LRRC28: variants seen among roughly 807,000 people sequenced by gnomAD.
LRRC28 encodes the protein leucine rich repeat containing 28.
In LRRC28, 39 loss-of-function variants were observed where a neutral mutation model predicts 45.7. The ratio of observed to expected loss-of-function variants is 0.85; its 90% CI spans 0.66 to 1.12. The LOEUF is 1.12. Among genes scored for constraint, LRRC28 ranks in the 50% most tolerant of loss-of-function variants. The pLI is 0.00. For missense variants in LRRC28, 435 were observed against 438.5 expected, an observed-to-expected ratio of 0.99 and a Z score of 0.07; for synonymous variants, 206 against 178.8, an observed-to-expected ratio of 1.15 and a Z score of -1.22.
At chr15:99,350,077 A>G (rs1956826413) in intron 6 of LRRC28, among the ~76,000 whole-genome samples, 2 of 149,304 alleles carry the variant, frequency 1.3e-5, no homozygotes, top group African/African-American at 4.9e-5. Flanking sequence ...CGGAGCTTGC[A>G]GTGAGCTGAG....
chr15:99,267,026 A>G (rs2081350182), intron 2 of LRRC28, among the ~76,000 whole-genome samples: 1 of 152,196 alleles, frequency 6.6e-6, no homozygotes, highest in Non-Finnish European at 1.5e-5. Flanking sequence ...TCTACTAGTA[A>G]GTTTGGTTTA....
intron 9 of LRRC28, 81 bp downstream of exon 9, chr15:99,363,346 G>A (rs1221236514): frequency 6.1e-6 from 9 of 1,483,172 alleles, no homozygotes; most frequent in Admixed American, 2.0e-5. Flanking sequence ...GTGCATGAAA[G>A]CATTAAGTCA....
At chr15:99,357,004 T>G (rs1399037977) in intron 7 of LRRC28, among the ~76,000 whole-genome samples, 1 of 152,180 alleles carries the variant, frequency 6.6e-6, no homozygotes, top group African/African-American at 2.4e-5. Flanking sequence ...AAGCCAAGGT[T>G]TATTCTTTCT....
chr15:99,362,403 T>A (rs951326394), intron 8 of LRRC28, among the ~76,000 whole-genome samples: 4 of 152,238 alleles, frequency 2.6e-5, no homozygotes, highest in African/African-American at 9.6e-5. Context: ...TGATAATTTT[T>A]AGATTTCACC....
intron 1 of LRRC28, among the ~76,000 whole-genome samples, chr15:99,252,196 G>T (rs1238444329): frequency 6.6e-6 from 1 of 152,192 alleles, no homozygotes. Context: ...CTATACAAGA[G>T]GTAGTTTGCT....
chr15:99,319,523 A>G (rs1191172271), intron 5 of LRRC28, among the ~76,000 whole-genome samples: 1 of 152,220 alleles, frequency 6.6e-6, no homozygotes, highest in African/African-American at 2.4e-5. Flanking sequence ...GTCACTTAGC[A>G]AGAATACTTT....
At chr15:99,302,419 A>C (rs1339964011) in intron 5 of LRRC28, among the ~76,000 whole-genome samples, 1 of 131,834 alleles carries the variant, frequency 7.6e-6, no homozygotes, top group Non-Finnish European at 1.6e-5. Flanking sequence ...AATAAGTTTC[A>C]CTCTTGTTGC....
At chr15:99,383,034 G>A (rs564388075) in intron 9 of LRRC28, among the ~76,000 whole-genome samples, 1 of 152,144 alleles carries the variant, frequency 6.6e-6, no homozygotes, top group South Asian at 2.1e-4. Context: ...AGTACATTCA[G>A]CGATATGCGC....
chr15:99,374,634 GCTGA>G (rs895567059), intron 9 of LRRC28, among the ~76,000 whole-genome samples: 8 of 151,034 alleles, frequency 5.3e-5, no homozygotes, highest in African/African-American at 1.9e-4. Context: ...TGAGTACTAT[GCTGA>G]CTAAGGTTGT....
chr15:99,251,849 T>C lies in LRRC28; in HGVS notation c.-61+308T>C, dbSNP rs554357222. 4.6e-5 allele frequency: 7 copies of C among 152,360 alleles called. No individual in the cohort carries two copies. The East Asian group carries it at 1.2e-3, about 25-fold the overall frequency. 9.4% of individuals were successfully genotyped at this position (152,360 alleles called of 1,614,324 possible). A position where few individuals can be genotyped will look rare whatever the true frequency, so the allele number is the denominator to read the frequency against. ...CGGGCGAAACGGCGTGTGTTTTGCCTAAGACTCTGCCAGTGTTTGTTACCA... is the reference window on the plus strand; with the variant it reads ...CGGGCGAAACGGCGTGTGTTTTGCCCAAGACTCTGCCAGTGTTTGTTACCA... On this transcript the variant is annotated intron_variant, in intron 1 of 9. Transcript: ENST00000301981.
intron 9 of LRRC28, among the ~76,000 whole-genome samples, chr15:99,375,982 A>G (rs1408665576): frequency 6.6e-6 from 1 of 151,654 alleles, no homozygotes; most frequent in African/African-American, 2.4e-5. Flanking sequence ...TCCTTTTTTT[A>G]GGTTTTTAAA....
At chr15:99,365,533 G>A (rs1957316123) in intron 9 of LRRC28, among the ~76,000 whole-genome samples, 1 of 152,190 alleles carries the variant, frequency 6.6e-6, no homozygotes, top group Admixed American at 6.5e-5. Context: ...AGTCTTAAAA[G>A]TACTTCCTTT....
At chr15:99,341,908 A>G (rs1192937794) in intron 6 of LRRC28, among the ~76,000 whole-genome samples, 3 of 152,198 alleles carry the variant, frequency 2.0e-5, no homozygotes, top group East Asian at 1.9e-4. Flanking sequence ...CATAGCTTTC[A>G]GTAAAGTTCT....
chr15:99,380,943 T>G (rs1371531955), intron 9 of LRRC28, among the ~76,000 whole-genome samples: 1 of 152,228 alleles, frequency 6.6e-6, no homozygotes, highest in Non-Finnish European at 1.5e-5. Context: ...AACCCGACCT[T>G]TCTATCTGGC....
At chr15:99,290,658 A>C (rs2082097923) in intron 5 of LRRC28, among the ~76,000 whole-genome samples, 1 of 152,164 alleles carries the variant, frequency 6.6e-6, no homozygotes, top group Non-Finnish European at 1.5e-5. Context: ...ATATACAAAA[A>C]ATACAATTCT....
chr15:99,289,321 C>T lies in LRRC28; in HGVS notation c.385+1370C>T, dbSNP rs1009329790. ...AAGTTACTGTGTATTCAAGAATGAG[C>T]AGAGAAAGATACAGATGTTAATTTG... On this transcript the variant is annotated intron_variant, in intron 5 of 9. Coordinates refer to ENST00000301981, the MANE Select transcript of LRRC28 (RefSeq NM_144598.5). 1.6e-4 allele frequency among the ~76,000 whole-genome samples: 24 copies of T among 152,100 alleles called. 1 individual carries two copies. Among genetic ancestry groups the T allele is most frequent in the Non-Finnish European group, 4.4e-5 (3 of 68,004 alleles).
At chr15:99,296,178 C>T (rs1567637779) in intron 5 of LRRC28, among the ~76,000 whole-genome samples, 1 of 152,184 alleles carries the variant, frequency 6.6e-6, no homozygotes, top group Admixed American at 6.5e-5. Flanking sequence ...GGTGCTGATC[C>T]CACCTTGTAG....
chr15:99,367,514 T>C (rs3920191), intron 9 of LRRC28, among the ~76,000 whole-genome samples: 56,486 of 151,880 alleles, frequency 0.37, 11,284 homozygotes, highest in African/African-American at 0.54. Flanking sequence ...CCTGTGATAA[T>C]GGCACTCATG....
At chr15:99,325,807 G>T (rs1375784640) in intron 5 of LRRC28, among the ~76,000 whole-genome samples, 1 of 152,222 alleles carries the variant, frequency 6.6e-6, no homozygotes, top group Non-Finnish European at 1.5e-5. Flanking sequence ...AGACCATGTT[G>T]CTAGTAAGAC....
Sources: gnomAD v4.1 joint callset for allele counts (sites outside exome capture counted in the v4.1 genomes callset) on GRCh38, gnomAD v4.1.1 for gene constraint, MANE v1.5 for transcripts, NCBI Gene and HGNC (gene_info 2026-07-23, HGNC 2026-07-21) for gene names.